Variants in SYNE1 observed in about 807,000 individuals in gnomAD.
The protein encoded by SYNE1 is spectrin repeat containing nuclear envelope protein 1.
In SYNE1, 616 loss-of-function variants were observed where a neutral mutation model predicts 1,111.0. That is an observed-to-expected ratio of 0.55 (90% CI 0.52 to 0.59). The LOEUF (loss-of-function observed/expected upper bound fraction) is 0.59. Among genes scored for constraint, SYNE1 ranks in the 20% least tolerant of loss-of-function variants. The probability of loss-of-function intolerance (pLI) is 0.00; values close to 1 mark genes in which losing one functional copy is unlikely to be tolerated. For synonymous variants in SYNE1, 3,855 were observed against 3,825.8 expected, an observed-to-expected ratio of 1.01 and a Z score of -0.28; for missense variants, 10,006 against 10,417.0, an observed-to-expected ratio of 0.96 and a Z score of 1.72.
At chr6:152,187,730 A>T (rs72995362) in intron 128 of SYNE1, among the ~76,000 whole-genome samples, 62 of 114,168 alleles carry the variant, frequency 5.4e-4, no homozygotes, top group Middle Eastern at 4.5e-3. Context: ...TGTGTGTGTG[A>T]GAGAGAGAGA....
chr6:152,355,200 A>C lies in SYNE1; in HGVS notation c.10609-224T>G, dbSNP rs571020850. On this transcript the variant is annotated intron_variant, in intron 66 of 145. Coordinates refer to ENST00000367255, the MANE Select transcript of SYNE1 (RefSeq NM_182961.4). ...AAATAATCAACATACACACACACACACCCCAATATTTTTCTCAATCAACAG... is the reference window on the plus strand; with the variant it reads ...AAATAATCAACATACACACACACACCCCCCAATATTTTTCTCAATCAACAG... Among the ~76,000 whole-genome samples, 23 of 152,138 alleles carry C rather than the reference A, an allele frequency of 1.5e-4. No homozygotes were observed. In the South Asian group the frequency reaches 2.1e-3, roughly 14 times the overall value.
Position 152,458,130 on chromosome 6 carries a change from T to C in SYNE1, c.2568+627A>G, listed in dbSNP as rs2098708284. ...AAAGTTTAATGTAAATAAATTCTTATCTGTATTTTTAAAAGGATAGACTAT... is the reference window on the plus strand; with the variant it reads ...AAAGTTTAATGTAAATAAATTCTTACCTGTATTTTTAAAAGGATAGACTAT... On this transcript the variant is annotated intron_variant, in intron 22 of 145. Transcript: ENST00000367255. Among the ~76,000 whole-genome samples the C allele has an allele frequency of 2.0e-5, 3 of 152,312 alleles. 1 individual carries two copies. The South Asian group carries it at 6.2e-4, about 32-fold the overall frequency.
intron 91 of SYNE1, among the ~76,000 whole-genome samples, chr6:152,307,183 A>G (rs1170006519): frequency 6.6e-6 from 1 of 152,192 alleles, no homozygotes; most frequent in Non-Finnish European, 1.5e-5. Context: ...AAGAAAAATC[A>G]TTAACATAGA....
chr6:152,498,336 G>A (rs565356032), intron 11 of SYNE1, among the ~76,000 whole-genome samples: 22 of 152,298 alleles, frequency 1.4e-4, no homozygotes, highest in South Asian at 1.2e-3. Context: ...CAAGCTGATC[G>A]AATACTTACC....
rs1057523204 is a variant in SYNE1, at chr6:152,283,999, C to T, written c.18186G>A (p.Ser6062=). Residue 6062 remains serine (S), a synonymous_variant, in exon 96 of 146, where the codon TCG becomes TCA. Coordinates refer to ENST00000367255, the MANE Select transcript of SYNE1 (RefSeq NM_182961.4). Reference sequence around the variant, plus strand: ...TTACCTCCAAAAGCTGCCGTTTCCCCGAGGCTTTCATCCTGATGGTGGACA... The same window carrying T: ...TTACCTCCAAAAGCTGCCGTTTCCCTGAGGCTTTCATCCTGATGGTGGACA... ...ERMSTIRMKA[S]GKRQLLEEKL... is the part of the protein sequence containing the mutation. 9.9e-6 allele frequency: 16 copies of T among 1,614,064 alleles called. No individual in the cohort carries two copies. The highest frequency in any genetic ancestry group is 2.2e-5 in the East Asian group (1 of 44,904).
intron 59 of SYNE1, among the ~76,000 whole-genome samples, chr6:152,370,590 G>T (rs555303000): frequency 1.2e-3 from 178 of 152,188 alleles, no homozygotes; most frequent in Admixed American, 3.0e-3. Flanking sequence ...GTTTTATATG[G>T]TACTGTCTAA....
chr6:152,397,196 C>T (rs1265103901), intron 49 of SYNE1, among the ~76,000 whole-genome samples: 1 of 152,202 alleles, frequency 6.6e-6, no homozygotes, highest in Non-Finnish European at 1.5e-5. Context: ...GTAAACAAGG[C>T]TGAGCTGGAA....
Position 152,206,170 on chromosome 6 carries a change from T to C in SYNE1, c.23017A>G (p.Lys7673Glu). ...EQKKKLAFLL[K>E]DWEKCEKGIA... is the part of the protein sequence containing the mutation. Reference sequence around the variant, plus strand: ...CGTTTTTTTCTAACTGAACTTACTTTCAACAAGAAGGCTAGTTTTTTCTTC... The same window carrying C: ...CGTTTTTTTCTAACTGAACTTACTTCCAACAAGAAGGCTAGTTTTTTCTTC... Residue 7673 changes from lysine (K) to glutamate (E), a missense_variant and splice_region_variant, in exon 126 of 146, where the codon AAA becomes GAA. Coordinates refer to ENST00000367255, the MANE Select transcript of SYNE1 (RefSeq NM_182961.4). The C allele has an allele frequency of 1.2e-6, 2 of 1,613,444 alleles. No individual in the cohort carries two copies. Among genetic ancestry groups the C allele is most frequent in the Admixed American group, 1.7e-5 (1 of 60,034 alleles).
chr6:152,407,857 G>T (rs1283705145), intron 44 of SYNE1, among the ~76,000 whole-genome samples: 3 of 151,140 alleles, frequency 2.0e-5, no homozygotes, highest in African/African-American at 7.3e-5. Context: ...CGCCTCCCGG[G>T]TTCCAGCAAT....
intron 3 of SYNE1, among the ~76,000 whole-genome samples, chr6:152,567,537 T>C (rs1029327516): frequency 6.6e-6 from 1 of 152,186 alleles, no homozygotes; most frequent in Non-Finnish European, 1.5e-5. Context: ...CCTTCTACCA[T>C]CTGCTGAAGC....
intron 3 of SYNE1, chr6:152,546,286 T>TATATAAA (rs1207689274): frequency 6.6e-6 from 1 of 152,194 alleles, no homozygotes; most frequent in Non-Finnish European, 1.5e-5. Context: ...ATGAAAGACA[T>TATATAAA]TTACAGGACC....
intron 87 of SYNE1, among the ~76,000 whole-genome samples, chr6:152,312,477 G>A (rs999064242): frequency 8.6e-5 from 13 of 150,486 alleles, no homozygotes; most frequent in Admixed American, 1.3e-4. Context: ...AAAGTGCTGG[G>A]ATTACAGATG....
intron 105 of SYNE1, among the ~76,000 whole-genome samples, chr6:152,246,427 A>G (rs541205263): frequency 6.6e-6 from 1 of 152,200 alleles, no homozygotes; most frequent in Non-Finnish European, 1.5e-5. Context: ...AAAAAGGATC[A>G]TTCGGAGAAC....
chr6:152,398,974 T>C (rs2097773773), intron 48 of SYNE1, among the ~76,000 whole-genome samples: 1 of 152,242 alleles, frequency 6.6e-6, no homozygotes, highest in Admixed American at 6.5e-5. Context: ...GAAATGTATG[T>C]TCCTGGAATG....
At chr6:152,482,714 C>T (rs1364990995) in intron 14 of SYNE1, among the ~76,000 whole-genome samples, 1 of 152,146 alleles carries the variant, frequency 6.6e-6, no homozygotes, top group East Asian at 1.9e-4. Context: ...CTTCTGCCTG[C>T]CTTCCTTTGA....
At chr6:152,191,721 G>A (rs2072450655) in intron 127 of SYNE1, among the ~76,000 whole-genome samples, 2 of 151,748 alleles carry the variant, frequency 1.3e-5, no homozygotes, top group South Asian at 2.1e-4. Flanking sequence ...TTGATCTTTT[G>A]TATTGTTTTC....
rs2096945515 is a variant in SYNE1, at chr6:152,362,284, C to T, written c.10185G>A (p.Gln3395=). The change falls in exon 64 of 146, where the codon CAG becomes CAA. Residue 3395 remains glutamine, a synonymous_variant. Transcript: ENST00000367255. ...EGALSKWTSY[Q]DGVRQFSGWM... ...AACCGGAGAACTGTCGAACGCCATC[C>T]TGATAACTTGTCCACTTGGAGAGAG... 4 of 1,614,224 alleles carry T rather than the reference C, an allele frequency of 2.5e-6. No individual in the cohort carries two copies. Among genetic ancestry groups the T allele is most frequent in the Non-Finnish European group, 3.4e-6 (4 of 1,180,044 alleles).
intron 145 of SYNE1, among the ~76,000 whole-genome samples, chr6:152,124,911 C>T (rs888786398): frequency 2.0e-5 from 3 of 152,220 alleles, no homozygotes; most frequent in East Asian, 1.9e-4. Flanking sequence ...CTAGGCAGCA[C>T]TCTGAGCATT....
In SYNE1 at chr6:152,358,508, G is replaced by A; in HGVS notation, c.10473C>T (p.Val3491=). ...CTCTCTGATACTCTTGGTGCAGGCG[G>A]ACAAGTTTTTCAGACTTGGTTACGG... ...KEAVTKSEKL[V]RLHQEYQRDL... is the part of the protein sequence containing the mutation. The change falls in exon 66 of 146, where the codon GTC becomes GTT. Residue 3491 remains valine, a synonymous_variant. Coordinates refer to ENST00000367255, the MANE Select transcript of SYNE1 (RefSeq NM_182961.4). 6.2e-7 allele frequency: 1 copy of A among 1,614,108 alleles called. No homozygotes were observed. Among genetic ancestry groups the A allele is most frequent in the Non-Finnish European group, 8.5e-7 (1 of 1,180,008 alleles).
Sources: gnomAD v4.1 joint callset for allele counts (sites outside exome capture counted in the v4.1 genomes callset) on GRCh38, gnomAD v4.1.1 for gene constraint, MANE v1.5 for transcripts, NCBI Gene and HGNC (gene_info 2026-07-23, HGNC 2026-07-21) for gene names.